UHRF2: variants seen among roughly 807,000 people sequenced by gnomAD.
The protein encoded by UHRF2 is E3 ubiquitin-protein ligase UHRF2.
In UHRF2, 23 loss-of-function variants were observed where a neutral mutation model predicts 96.8. The observed-to-expected ratio is 0.24, with a 90% CI of 0.17 to 0.34. The LOEUF is 0.34. Ranked by LOEUF, UHRF2 falls within the 10% of genes least tolerant of loss-of-function variation. The probability of loss-of-function intolerance (pLI) is 1.00; values close to 1 mark genes in which losing one functional copy is unlikely to be tolerated. For missense variants in UHRF2, 685 were observed against 981.5 expected (o/e 0.70, Z 4.04); for synonymous variants, 385 against 332.6 (o/e 1.16, Z -1.72).
At chr9:6,417,450 A>C (rs1819673681) in intron 1 of UHRF2, among the ~76,000 whole-genome samples, 1 of 152,102 alleles carries the variant, frequency 6.6e-6, no homozygotes, top group African/African-American at 2.4e-5. Flanking sequence ...CCCTACTTAG[A>C]GCTTAATTTG....
At chr9:6,452,898 T>TGAAGATGCCCA in intron 3 of UHRF2, among the ~76,000 whole-genome samples, 1 of 152,302 alleles carries the variant, frequency 6.6e-6, no homozygotes, top group Non-Finnish European at 1.5e-5. Context: ...TATGTGTAGC[T>TGAAGATGCCCA]GAAGATGCCC....
At chr9:6,471,056 G>C (rs188467593) in intron 4 of UHRF2, among the ~76,000 whole-genome samples, 17 of 152,202 alleles carry the variant, frequency 1.1e-4, no homozygotes, top group Non-Finnish European at 2.4e-4. Context: ...GTTGAAAAGA[G>C]GTGGATGGTT....
intron 4 of UHRF2, among the ~76,000 whole-genome samples, chr9:6,475,027 C>T (rs1823480416): frequency 6.6e-6 from 1 of 152,096 alleles, no homozygotes; most frequent in Admixed American, 6.5e-5. Context: ...AAACAGAAAA[C>T]ATACCTTATT....
chr9:6,434,305 G>C, intron 3 of UHRF2, 132 bp downstream of exon 3: 3 of 1,129,014 alleles, frequency 2.7e-6, no homozygotes, highest in Non-Finnish European at 3.6e-6. Context: ...GTTACTTTTT[G>C]GTTTTGGTGG....
chr9:6,500,409 C>T, intron 13 of UHRF2, 143 bp from the exon 14 acceptor site: 1 of 661,170 alleles, frequency 1.5e-6, no homozygotes, highest in Non-Finnish European at 2.4e-6. Context: ...ATAACAGTAT[C>T]CTAAATTTTA....
intron 3 of UHRF2, among the ~76,000 whole-genome samples, chr9:6,434,842 G>C (rs1309097985): frequency 3.9e-5 from 6 of 151,944 alleles, no homozygotes; most frequent in Admixed American, 3.9e-4. Flanking sequence ...GTATGTTTTG[G>C]GGGGTGGGGA....
In UHRF2 at chr9:6,476,960, G is replaced by T. The variant is rs1044910506; in HGVS notation, c.974-662G>T. ...TGGTTCCTTTCTTTTCATTAGAAAA[G>T]CTGTATGCTGGCTGGGTGACAGCAG... On this transcript the variant is annotated intron_variant, in intron 5 of 15. Coordinates refer to ENST00000276893, the MANE Select transcript of UHRF2 (RefSeq NM_152896.3). Among the ~76,000 whole-genome samples, 4 of 152,140 alleles carry T rather than the reference G, an allele frequency of 2.6e-5. No homozygotes were observed. In the East Asian group the frequency reaches 7.7e-4, roughly 29 times the overall value.
Position 6,474,853 on chromosome 9 carries a change from A to G in UHRF2, c.864-538A>G, listed in dbSNP as rs368543251. 2.4e-4 allele frequency among the ~76,000 whole-genome samples: 36 copies of G among 152,342 alleles called. 1 individual carries two copies. The East Asian group carries it at 3.7e-3, about 15-fold the overall frequency. On this transcript the variant is annotated intron_variant, in intron 4 of 15. Coordinates refer to ENST00000276893, the MANE Select transcript of UHRF2 (RefSeq NM_152896.3). ...ATTTGAAAGACTTTATGAAAAGGGC[A>G]TCTTATTTTTGCCTAGAAATTATAT...
At chr9:6,462,218 C>T (rs1335145025) in intron 4 of UHRF2, among the ~76,000 whole-genome samples, 1 of 151,922 alleles carries the variant, frequency 6.6e-6, no homozygotes, top group Non-Finnish European at 1.5e-5. Context: ...TATTTTTGTG[C>T]TCCACAGTAT....
At chr9:6,469,368 A>G (rs531084164) in intron 4 of UHRF2, among the ~76,000 whole-genome samples, 1 of 152,108 alleles carries the variant, frequency 6.6e-6, no homozygotes, top group South Asian at 2.1e-4. Context: ...AAATACAAAA[A>G]TTAGCTGGGC....
intron 3 of UHRF2, among the ~76,000 whole-genome samples, chr9:6,448,845 A>G (rs1821678474): frequency 1.3e-5 from 2 of 152,246 alleles, no homozygotes; most frequent in South Asian, 2.1e-4. Flanking sequence ...GTTTGTACAC[A>G]TAAGGAAAAA....
chr9:6,420,256 C>T (rs1819851443), intron 1 of UHRF2, among the ~76,000 whole-genome samples: 1 of 151,794 alleles, frequency 6.6e-6, no homozygotes, highest in Non-Finnish European at 1.5e-5. Context: ...GGGGTTTCAC[C>T]ATGTTGGTCA....
At position 6,506,022 on chromosome 9, in the gene UHRF2, T is replaced by C. The variant is rs1816563823; in HGVS notation, c.2263-11T>C. 6.2e-7 allele frequency: 1 copy of C among 1,613,644 alleles called. No homozygotes were observed. Among genetic ancestry groups the C allele is most frequent in the South Asian group, 1.1e-5 (1 of 91,016 alleles). On this transcript the variant is annotated splice_polypyrimidine_tract_variant and intron_variant, in intron 15 of 15. Coordinates refer to ENST00000276893, the MANE Select transcript of UHRF2 (RefSeq NM_152896.3). ...CTCAGATTAAATTGGATGTTTTTGTTTTTACCATAGGATTGCCTACAGCGC... is the reference window on the plus strand; with the variant it reads ...CTCAGATTAAATTGGATGTTTTTGTCTTTACCATAGGATTGCCTACAGCGC...
intron 9 of UHRF2, among the ~76,000 whole-genome samples, chr9:6,490,499 A>T (rs1824594956): frequency 6.6e-6 from 1 of 152,326 alleles, no homozygotes; most frequent in African/African-American, 2.4e-5. Flanking sequence ...GTGGTGATGC[A>T]TGCCTGTAAT....
At chr9:6,475,555 T>A in intron 5 of UHRF2, 55 bp downstream of exon 5, 1 of 984,380 alleles carries the variant, frequency 1.0e-6, no homozygotes, top group Non-Finnish European at 1.5e-6. Flanking sequence ...GATTGAACTT[T>A]ATTTTTACTG....
chr9:6,450,905 T>C (rs1821818829), intron 3 of UHRF2, among the ~76,000 whole-genome samples: 1 of 151,850 alleles, frequency 6.6e-6, no homozygotes, highest in Middle Eastern at 3.2e-3. Context: ...TCTGTGCTGC[T>C]TACTGATATG....
chr9:6,451,894 C>G (rs1466789635), intron 3 of UHRF2, among the ~76,000 whole-genome samples: 1 of 152,066 alleles, frequency 6.6e-6, no homozygotes, highest in Non-Finnish European at 1.5e-5. Flanking sequence ...AAGCGATTCT[C>G]CTGCCTCAGC....
At chr9:6,483,579 A>T (rs893010462) in intron 8 of UHRF2, among the ~76,000 whole-genome samples, 9 of 152,244 alleles carry the variant, frequency 5.9e-5, no homozygotes, top group African/African-American at 2.2e-4. Flanking sequence ...GACTTGGCAG[A>T]TGTGGAACCT....
At chr9:6,489,260 A>G (rs964236744) in intron 9 of UHRF2, among the ~76,000 whole-genome samples, 1 of 152,290 alleles carries the variant, frequency 6.6e-6, no homozygotes, top group Non-Finnish European at 1.5e-5. Flanking sequence ...CTTTTTATTG[A>G]TGAGTACTAG....
Sources: gnomAD v4.1 joint callset for allele counts (sites outside exome capture counted in the v4.1 genomes callset) on GRCh38, gnomAD v4.1.1 for gene constraint, MANE v1.5 for transcripts, NCBI Gene and HGNC (gene_info 2026-07-23, HGNC 2026-07-21) for gene names.